TENM2: variants seen among roughly 807,000 people sequenced by gnomAD.
TENM2 encodes teneurin-2.
A neutral mutation model predicts 245.2 loss-of-function variants in TENM2; 52 were observed. That is an observed-to-expected ratio of 0.21 (90% CI 0.17 to 0.27). The LOEUF (loss-of-function observed/expected upper bound fraction) is 0.27. Among genes scored for constraint, TENM2 ranks in the 10% least tolerant of loss-of-function variants. The pLI, the probability that TENM2 is intolerant of heterozygous loss-of-function variation, is 1.00. For synonymous variants in TENM2, 1,363 were observed against 1,438.9 expected (o/e 0.95, Z 1.19); for missense variants, 3,046 against 3,666.8 (o/e 0.83, Z 4.37).
At chr5:168,030,081 C>T (rs1188284981) in intron 5 of TENM2, among the ~76,000 whole-genome samples, 1 of 148,382 alleles carries the variant, frequency 6.7e-6, no homozygotes, top group Non-Finnish European at 1.5e-5. Flanking sequence ...AGGGCAGGTA[C>T]TGGATGGAGA....
intron 2 of TENM2, among the ~76,000 whole-genome samples, chr5:167,669,734 G>A (rs193093356): frequency 6.6e-6 from 1 of 152,102 alleles, no homozygotes; most frequent in East Asian, 1.9e-4. Flanking sequence ...GGTGGCAGAT[G>A]GGGGAGGGAG....
chr5:167,208,575 TGTAA>T, the TENM2 span, among the ~76,000 whole-genome samples: 2 of 152,222 alleles, frequency 1.3e-5, no homozygotes, highest in African/African-American at 4.8e-5. Context: ...GTATTTAGAT[TGTAA>T]GTCAGTTTAT....
chr5:167,971,057 G>A (rs1159858402), intron 4 of TENM2, among the ~76,000 whole-genome samples: 5 of 152,154 alleles, frequency 3.3e-5, no homozygotes, highest in East Asian at 1.9e-4. Flanking sequence ...ATGTCCTGTC[G>A]ATAATGTGCA....
intron 3 of TENM2, among the ~76,000 whole-genome samples, chr5:167,894,780 T>A (rs189675853): frequency 6.6e-6 from 1 of 152,264 alleles, no homozygotes; most frequent in African/African-American, 2.4e-5. Context: ...AACTTAAAAA[T>A]TACTGAGGTT....
At chr5:167,280,295 T>C (rs1355517140), upstream of TENM2, among the ~76,000 whole-genome samples, 1 of 152,196 alleles carries the variant, frequency 6.6e-6, no homozygotes, top group Admixed American at 6.5e-5. Context: ...CAAGAGGACT[T>C]ACCACAGAAG....
Position 168,244,982 on chromosome 5 carries a change from G to A in TENM2, c.5817+266G>A, listed in dbSNP as rs995926705. ...TGGGTTTCCCCACATTGGCCAGGCT[G>A]GTCTCGAATTCCTGACCTCAGGTGA... is the stretch of plus-strand genomic sequence containing the variant. On this transcript the variant is annotated intron_variant, in intron 26 of 28. Transcript: ENST00000518659. The surrounding 1 kb of genome is among the most constrained non-coding windows in gnomAD (Gnocchi z 4.9). 6.6e-6 allele frequency among the ~76,000 whole-genome samples: 1 copy of A among 152,102 alleles called. No homozygotes were observed. Among genetic ancestry groups the A allele is most frequent in the African/African-American group, 2.4e-5 (1 of 41,430 alleles).
chr5:167,563,555 A>G (rs946120446), intron 2 of TENM2, among the ~76,000 whole-genome samples: 1 of 151,968 alleles, frequency 6.6e-6, no homozygotes, highest in African/African-American at 2.4e-5. Flanking sequence ...TAAATATAGA[A>G]CCCAATCTGT....
intron 25 of TENM2, among the ~76,000 whole-genome samples, chr5:168,238,106 C>T (rs1187529362): frequency 7.0e-6 from 1 of 142,386 alleles, no homozygotes; most frequent in Non-Finnish European, 1.5e-5. Flanking sequence ...GATTGCGCCA[C>T]TGCACTACAG....
At chr5:167,532,729 C>T (rs941694218) in intron 2 of TENM2, among the ~76,000 whole-genome samples, 3 of 150,942 alleles carry the variant, frequency 2.0e-5, no homozygotes, top group African/African-American at 7.3e-5. Flanking sequence ...TATACACACA[C>T]ATATATACAC....
chr5:168,070,815 GAGA>G (rs1160281942), intron 7 of TENM2, among the ~76,000 whole-genome samples: 1 of 131,818 alleles, frequency 7.6e-6, no homozygotes, highest in African/African-American at 2.8e-5. Flanking sequence ...GAGAGAGAGA[GAGA>G]GAAAAAAAGA....
At chr5:167,657,579 A>G (rs1412264119) in intron 2 of TENM2, among the ~76,000 whole-genome samples, 1 of 152,212 alleles carries the variant, frequency 6.6e-6, no homozygotes, top group African/African-American at 2.4e-5. Context: ...CACAGTGGCT[A>G]TTGAAGCATA....
intron 2 of TENM2, among the ~76,000 whole-genome samples, chr5:167,436,940 C>T (rs899636947): frequency 2.0e-5 from 3 of 152,192 alleles, no homozygotes; most frequent in African/African-American, 4.8e-5. Context: ...GAAAAGTTTG[C>T]TGCAGGGGCG....
intron 1 of TENM2, among the ~76,000 whole-genome samples, chr5:167,323,602 T>C (rs1188677403): frequency 6.6e-6 from 1 of 152,078 alleles, no homozygotes; most frequent in South Asian, 2.1e-4. Context: ...TTTGAAGAAG[T>C]CAAAAAATTG....
intron 2 of TENM2, among the ~76,000 whole-genome samples, chr5:167,711,865 C>G: frequency 6.6e-6 from 1 of 152,292 alleles, no homozygotes. Context: ...GAGTAACACT[C>G]TTATTTCAGA....
chr5:167,109,903 A>T, the TENM2 span, among the ~76,000 whole-genome samples: 25 of 152,322 alleles, frequency 1.6e-4, no homozygotes, highest in Non-Finnish European at 3.7e-4. Context: ...GGCTGGAAGA[A>T]TATTTGAGAA....
At chr5:167,073,902 A>T in the TENM2 span, among the ~76,000 whole-genome samples, 7,049 of 152,252 alleles carry the variant, frequency 0.046, 247 homozygotes, top group Non-Finnish European at 0.074. Context: ...ATGGTCCCTG[A>T]ACTGGTGTTC....
chr5:167,459,893 T>A (rs1025938347), intron 2 of TENM2, among the ~76,000 whole-genome samples: 1 of 148,576 alleles, frequency 6.7e-6, no homozygotes, highest in Non-Finnish European at 1.5e-5. Flanking sequence ...ATTCTGCATT[T>A]CCTTGTATAT....
Position 167,995,346 on chromosome 5 carries a change from G to A in TENM2, c.1186+2164G>A, listed in dbSNP as rs545752318. Among the ~76,000 whole-genome samples the A allele has an allele frequency of 3.9e-5, 6 of 152,348 alleles. No individual in the cohort carries two copies. In the South Asian group the frequency reaches 1.2e-3, roughly 32 times the overall value. On this transcript the variant is annotated intron_variant, in intron 5 of 28. Coordinates refer to ENST00000518659, the Ensembl canonical transcript of TENM2. The stretch of plus-strand genomic sequence containing the variant: ...TATATTTATTTTCAATCTGCAGGCT[G>A]CTAGAAGCTGGACCTGAGCATCTTA...
chr5:168,202,911 C>A (rs900072979), intron 17 of TENM2, among the ~76,000 whole-genome samples: 1 of 152,184 alleles, frequency 6.6e-6, no homozygotes, highest in East Asian at 1.9e-4. Flanking sequence ...CACTTCATCT[C>A]ATCTCTCCTT....
Sources: allele counts gnomAD v4.1 joint callset (sites outside exome capture counted in the v4.1 genomes callset), GRCh38; gene constraint gnomAD v4.1.1; non-coding constraint Gnocchi (gnomAD v3.1); transcripts MANE v1.5; gene names NCBI Gene and HGNC (gene_info 2026-07-23, HGNC 2026-07-21).